Variants in SPTBN4 observed in about 807,000 individuals in gnomAD.
SPTBN4 encodes the protein spectrin beta, non-erythrocytic 4.
Under a neutral mutation model 277.8 loss-of-function variants are expected in SPTBN4, and 96 were observed. The ratio of observed to expected loss-of-function variants is 0.35; its 90% confidence interval spans 0.29 to 0.41. The LOEUF is 0.41. SPTBN4 is among the 10% of genes least tolerant of loss of function. SPTBN4 has a pLI of 1.00. For synonymous variants in SPTBN4, 1,481 were observed against 1,580.3 expected (o/e 0.94, Z 1.49); for missense variants, 3,006 against 3,595.7 (o/e 0.84, Z 4.19).
intron 11 of SPTBN4, 29 bp from the exon 12 acceptor site, chr19:40,503,801 A>G: frequency 1.3e-6 from 2 of 1,556,690 alleles, no homozygotes; most frequent in Non-Finnish European, 8.7e-7. Context: ...CTGAGGCAGC[A>G]TGGGTGAGTG....
Position 40,519,690 on chromosome 19 carries a change from G to T in SPTBN4, c.3193G>T (p.Glu1065Ter). Reference protein sequence around the residue: ...QAARLHQGAEELGAEWGALAS... With the variant: ...QAARLHQGAE ...GGCGCGGCTGCACCAGGGCGCGGAG[G>T]AGCTGGGCGCCGAGTGGGGCGCGCT... The change falls in exon 16 of 36, where the codon GAG (glutamate) becomes TAG (stop). Residue 1065 changes from glutamate to a stop codon, truncating the protein, a stop_gained. Coordinates refer to ENST00000598249, the MANE Select transcript of SPTBN4 (RefSeq NM_020971.3). LOFTEE classifies it high-confidence loss of function. This position sits in a 1 kb window ranked among gnomAD's most constrained non-coding sequence, Gnocchi z 5.7. 1 of 1,389,942 alleles carries T rather than the reference G, an allele frequency of 7.2e-7. No individual in the cohort carries two copies. The highest frequency in any genetic ancestry group is 9.2e-7 in the Non-Finnish European group (1 of 1,082,986). The allele number at this position is 1,389,942 out of a possible 1,614,324, so 86.1% of individuals were successfully genotyped here.
chr19:40,565,296 G>GA (rs753945187), intron 27 of SPTBN4, 127 bp from the exon 28 acceptor site: 12 of 1,111,818 alleles, frequency 1.1e-5, no homozygotes, highest in Admixed American at 4.8e-5. Context: ...GAAAAGAAAA[G>GA]AAAGTAAGTG....
At chr19:40,467,404 T>C in intron 1 of SPTBN4, 99 bp downstream of exon 1, 1 of 152,214 alleles carries the variant, frequency 6.6e-6, no homozygotes, top group Non-Finnish European at 1.5e-5. Context: ...GAGCCCCGGG[T>C]CTCCCCGGCT....
intron 2 of SPTBN4, among the ~76,000 whole-genome samples, chr19:40,482,268 G>C (rs2080020872): frequency 6.6e-6 from 1 of 150,854 alleles, no homozygotes. Context: ...ATGGGGTCTG[G>C]CTATGTTGCC....
At chr19:40,564,083 G>A (rs572744023) in intron 27 of SPTBN4, among the ~76,000 whole-genome samples, 10 of 151,672 alleles carry the variant, frequency 6.6e-5, no homozygotes, top group Admixed American at 2.0e-4. Context: ...GGCTGGGTGC[G>A]GTGGCTCACG....
chr19:40,490,348 A>G lies in SPTBN4; in HGVS notation c.495+100A>G. On this transcript the variant is annotated intron_variant, in intron 4 of 35. Transcript: ENST00000598249. The surrounding 1 kb of genome is among the most constrained non-coding windows in gnomAD (Gnocchi z 4.3). ...ATTCTTTCCTTCCAATAATATCCTAATATGCTGGAATCCTATTCCAGGTGT... is the reference window on the plus strand; with the variant it reads ...ATTCTTTCCTTCCAATAATATCCTAGTATGCTGGAATCCTATTCCAGGTGT... 7.4e-7 allele frequency: 1 copy of G among 1,357,808 alleles called. No homozygotes were observed. The highest frequency in any genetic ancestry group is 1.0e-6 in the Non-Finnish European group (1 of 1,003,580). The allele number at this position is 1,357,808 out of a possible 1,614,324, so 84.1% of individuals were successfully genotyped here. A position where few individuals can be genotyped will look rare whatever the true frequency, so the allele number is the denominator to read the frequency against.
chr19:40,566,310 C>T lies in SPTBN4; in HGVS notation c.6287C>T (p.Ala2096Val), dbSNP rs931826255. Residue 2096 changes from alanine (A) to valine (V), a missense_variant, in exon 30 of 36, where the codon GCG (alanine) becomes GTG (valine). Physicochemically the swap from Ala to Val is moderately conservative, Grantham distance 64. This residue lies in a region of SPTBN4 where 630 missense variants were observed against 677.6 expected (regional missense o/e 0.93). Coordinates refer to ENST00000598249, the MANE Select transcript of SPTBN4 (RefSeq NM_020971.3). Reference protein sequence around the residue: ...LIRRHEAFRKAAAAWEERFSS... With the variant: ...LIRRHEAFRKVAAAWEERFSS... The stretch of plus-strand genomic sequence containing the variant: ...CGGCGACATGAGGCCTTCCGCAAAG[C>T]GGCTGCAGCCTGGGAAGAGAGGTTC... 1.0e-5 allele frequency: 16 copies of T among 1,593,222 alleles called. No individual in the cohort carries two copies. Among genetic ancestry groups the T allele is most frequent in the Middle Eastern group, 1.7e-4 (1 of 5,902 alleles).
At chr19:40,552,386 C>T (rs938737860) in intron 22 of SPTBN4, among the ~76,000 whole-genome samples, 6 of 139,374 alleles carry the variant, frequency 4.3e-5, no homozygotes, top group African/African-American at 1.6e-4. Flanking sequence ...ACCTAGGAGG[C>T]GGAGGTTGCA....
At chr19:40,550,504 ATTT>A (rs35964729) in intron 22 of SPTBN4, among the ~76,000 whole-genome samples, 177 bp downstream of exon 22, 112 of 141,314 alleles carry the variant, frequency 7.9e-4, no homozygotes, top group Middle Eastern at 3.5e-3. Context: ...TCTTGGCTCT[ATTT>A]TTTTTTTTTT....
chr19:40,554,768 G>GA lies in SPTBN4; in HGVS notation c.5084+122_5084+123insA. The GA allele has an allele frequency of 6.8e-7, 1 of 1,474,770 alleles. No homozygotes were observed. The highest frequency in any genetic ancestry group is 9.1e-7 in the Non-Finnish European group (1 of 1,092,958). The allele number at this position is 1,474,770 out of a possible 1,614,324, so 91.4% of individuals were successfully genotyped here. On this transcript the variant is annotated intron_variant, in intron 24 of 35. Coordinates refer to ENST00000598249, the MANE Select transcript of SPTBN4 (RefSeq NM_020971.3). This position sits in a 1 kb window ranked among gnomAD's most constrained non-coding sequence, Gnocchi z 5.7. ...GGAGAGGTCCTCCTTGCTGTGTGCT[G>GA]GAGCCCTCGAATTTGGCAAGTGGGC...
chr19:40,571,947 T>C, intron 33 of SPTBN4, 72 bp from the exon 34 acceptor site: 8 of 1,471,726 alleles, frequency 5.4e-6, no homozygotes, highest in Non-Finnish European at 7.2e-6. Flanking sequence ...TATTCAGACC[T>C]TGAGGATGTT....
At chr19:40,566,440 C>A in intron 30 of SPTBN4, 81 bp downstream of exon 30, 1 of 1,288,178 alleles carries the variant, frequency 7.8e-7, no homozygotes, top group Non-Finnish European at 1.0e-6. Flanking sequence ...GACAGACACA[C>A]CGAGACATGG....
rs1286861980 is a variant in SPTBN4, at chr19:40,569,711, A to G, written c.7011A>G (p.Pro2337=). ...VEQLQEKEAG[P]GLPAGPSLPQ... The stretch of plus-strand genomic sequence containing the variant: ...AGCTGCAGGAGAAAGAGGCAGGCCC[A>G]GGGCTGCCTGCTGGGGTAAGTTGAG... Residue 2337 remains proline, a synonymous_variant, in exon 32 of 36, where the codon CCA becomes CCG. Coordinates refer to ENST00000598249, the MANE Select transcript of SPTBN4 (RefSeq NM_020971.3). 1.2e-6 allele frequency: 2 copies of G among 1,612,068 alleles called. No homozygotes were observed. Among genetic ancestry groups the G allele is most frequent in the Non-Finnish European group, 1.7e-6 (2 of 1,179,238 alleles).
chr19:40,546,293 T>C (rs1052995849), intron 20 of SPTBN4, among the ~76,000 whole-genome samples: 1 of 152,074 alleles, frequency 6.6e-6, no homozygotes, highest in Non-Finnish European at 1.5e-5. Flanking sequence ...TTAATTTCTA[T>C]TTTCCAGCTT....
chr19:40,486,057 A>G (rs559319917), intron 2 of SPTBN4, among the ~76,000 whole-genome samples: 3 of 151,560 alleles, frequency 2.0e-5, no homozygotes, highest in African/African-American at 2.4e-5. Context: ...TGGGAGGCCT[A>G]TGTGGGTGGA....
chr19:40,497,465 T>C (rs1275505926), intron 6 of SPTBN4, 24 bp from the exon 7 acceptor site: 4 of 1,581,744 alleles, frequency 2.5e-6, no homozygotes, highest in Non-Finnish European at 3.5e-6. Flanking sequence ...GCCTGCTGCC[T>C]GCCTGCTCTG....
chr19:40,571,318 G>A (rs1198732938), intron 33 of SPTBN4, among the ~76,000 whole-genome samples: 3 of 152,156 alleles, frequency 2.0e-5, no homozygotes, highest in East Asian at 3.9e-4. Context: ...TGGGAAGGGG[G>A]AGTCATCTCT....
At position 40,572,209 on chromosome 19, in the gene SPTBN4, G is replaced by C. The variant is rs1311814132; in HGVS notation, c.7493+17G>C. On this transcript the variant is annotated intron_variant, in intron 34 of 35. Coordinates refer to ENST00000598249, the MANE Select transcript of SPTBN4 (RefSeq NM_020971.3). ...CAAGCTCCAGTGAGCCCCCCAATGG[G>C]CAGGAGGGAGGGATCCAAGGCTCAG... The C allele has an allele frequency of 3.1e-6, 5 of 1,593,886 alleles. No individual in the cohort carries two copies. In the Admixed American group the frequency reaches 6.8e-5, roughly 22 times the overall value.
At chr19:40,505,757 A>G (rs1386420501) in intron 12 of SPTBN4, among the ~76,000 whole-genome samples, 7 of 151,806 alleles carry the variant, frequency 4.6e-5, no homozygotes, top group Admixed American at 2.0e-4. Context: ...GAAGGAAGAA[A>G]GAAAGGTGAA....
Sources: allele counts gnomAD v4.1 joint callset (sites outside exome capture counted in the v4.1 genomes callset), GRCh38; gene constraint gnomAD v4.1.1; regional missense constraint gnomAD v4.1.1; non-coding constraint Gnocchi (gnomAD v3.1); transcripts MANE v1.5; gene names NCBI Gene and HGNC (gene_info 2026-07-23, HGNC 2026-07-21).